Variants in FAM110B observed in about 807,000 individuals in gnomAD.
FAM110B encodes protein FAM110B.
Under a neutral mutation model 20.4 loss-of-function variants are expected in FAM110B, and 6 were observed. The ratio of observed to expected loss-of-function variants is 0.29; its 90% CI spans 0.16 to 0.58. The LOEUF is 0.58. Ranked by LOEUF, FAM110B falls within the 20% of genes least tolerant of loss-of-function variation. The probability of loss-of-function intolerance (pLI) is 0.90; values close to 1 mark genes in which losing one functional copy is unlikely to be tolerated. For synonymous variants in FAM110B, 226 were observed against 214.1 expected, an observed-to-expected ratio of 1.06 and a Z score of -0.49; for missense variants, 434 against 498.2, an observed-to-expected ratio of 0.87 and a Z score of 1.23.
chr8:58,085,478 A>T lies in FAM110B; in HGVS notation c.-325+9855A>T, dbSNP rs1004744807. ...CAGTGAGCCGAGATCGCACCACTGC[A>T]CTCCAGCCTGGGTGACAGAACGAGA... On this transcript the variant is annotated intron_variant, in intron 3 of 3. Coordinates refer to ENST00000519262, the MANE Select transcript of FAM110B (RefSeq NM_001377989.1). Among the ~76,000 whole-genome samples, 6 of 152,282 alleles carry T rather than the reference A, an allele frequency of 3.9e-5. No homozygotes were observed. In the East Asian group the frequency reaches 1.2e-3, roughly 29 times the overall value.
intron 3 of FAM110B, among the ~76,000 whole-genome samples, chr8:58,134,087 T>G (rs1357881428): frequency 1.6e-5 from 2 of 127,544 alleles, no homozygotes; most frequent in Non-Finnish European, 3.8e-5. Context: ...TGAAGATTAT[T>G]TATCCCACAG....
At chr8:58,040,808 T>C (rs988147505) in intron 2 of FAM110B, among the ~76,000 whole-genome samples, 1 of 152,198 alleles carries the variant, frequency 6.6e-6, no homozygotes, top group African/African-American at 2.4e-5. Flanking sequence ...TGTCCACTTA[T>C]GATATTTCTT....
intron 1 of FAM110B, among the ~76,000 whole-genome samples, chr8:58,015,249 C>T (rs538531871): frequency 1.4e-4 from 21 of 152,004 alleles, no homozygotes; most frequent in Non-Finnish European, 2.8e-4. Flanking sequence ...CGCAGCTACT[C>T]GGGAGGCTGA....
chr8:58,060,758 G>A (rs1447650138), intron 2 of FAM110B, among the ~76,000 whole-genome samples: 1 of 152,100 alleles, frequency 6.6e-6, no homozygotes, highest in Non-Finnish European at 1.5e-5. Flanking sequence ...TTTCTTCTCT[G>A]TCCCCTTCTC....
intron 1 of FAM110B, among the ~76,000 whole-genome samples, chr8:58,010,543 C>T (rs756951933): frequency 1.7e-4 from 26 of 152,186 alleles, no homozygotes; most frequent in Non-Finnish European, 3.1e-4. Flanking sequence ...TTCTGGAGTA[C>T]TTACATGCCC....
At chr8:58,117,714 G>C (rs1807250977) in intron 3 of FAM110B, among the ~76,000 whole-genome samples, 1 of 152,114 alleles carries the variant, frequency 6.6e-6, no homozygotes, top group African/African-American at 2.4e-5. Context: ...CCTTAGAGTG[G>C]TTCTGGCACA....
chr8:58,104,764 T>G (rs964170490), intron 3 of FAM110B, among the ~76,000 whole-genome samples: 9 of 152,194 alleles, frequency 5.9e-5, no homozygotes, highest in Non-Finnish European at 1.3e-4. Context: ...CTTCAAGTAC[T>G]ATTTCAAAAA....
chr8:58,029,523 T>G (rs1390832061), intron 1 of FAM110B, among the ~76,000 whole-genome samples: 1 of 151,660 alleles, frequency 6.6e-6, no homozygotes, highest in African/African-American at 2.4e-5. Flanking sequence ...GTTGTAATCA[T>G]GCTGATTAGA....
chr8:58,051,980 T>G (rs1395573215), intron 2 of FAM110B, among the ~76,000 whole-genome samples: 1 of 152,258 alleles, frequency 6.6e-6, no homozygotes, highest in Non-Finnish European at 1.5e-5. Flanking sequence ...ACCTTACTTC[T>G]GTCTGTTTGA....
At chr8:58,105,890 G>T (rs1012592402) in intron 3 of FAM110B, among the ~76,000 whole-genome samples, 1 of 152,226 alleles carries the variant, frequency 6.6e-6, no homozygotes, top group Non-Finnish European at 1.5e-5. Flanking sequence ...TTTTAAAAAG[G>T]ATAGGTGATT....
intron 1 of FAM110B, among the ~76,000 whole-genome samples, chr8:58,025,360 A>G (rs560833154): frequency 6.6e-6 from 1 of 152,124 alleles, no homozygotes; most frequent in Non-Finnish European, 1.5e-5. Flanking sequence ...AGTGGGTAGC[A>G]TGTGCACAGT....
chr8:58,052,772 CTTTTTTTTTTTTTTTT>C lies in FAM110B; in HGVS notation c.-414+21085_-414+21100del, dbSNP rs71248165. ...TAGAGTGTGGTGAGAGTGATGGACT[CTTTTTTTTTTTTTTTT>C]TTTTTTTTTTTTTTTGAGACGGAGT... On this transcript the variant is annotated intron_variant, in intron 2 of 3. Transcript: ENST00000519262. Among the ~76,000 whole-genome samples, 81 of 52,344 alleles carry C rather than the reference CTTTTTTTTTTTTTTTT, an allele frequency of 1.5e-3. 1 individual carries two copies. The highest frequency in any genetic ancestry group is 4.2e-3 in the Admixed American group (15 of 3,532). 34.3% of individuals were successfully genotyped at this position (52,344 alleles called of 152,430 possible). A position where few individuals can be genotyped will look rare whatever the true frequency, so the allele number is the denominator to read the frequency against.
chr8:58,077,857 G>A (rs1184443127), intron 3 of FAM110B, among the ~76,000 whole-genome samples: 3 of 152,184 alleles, frequency 2.0e-5, no homozygotes, highest in Non-Finnish European at 4.4e-5. Context: ...TGTCAGTTGG[G>A]TTGCAGGCGT....
chr8:58,129,138 G>A (rs1483514378), intron 3 of FAM110B, among the ~76,000 whole-genome samples: 3 of 152,128 alleles, frequency 2.0e-5, no homozygotes, highest in Non-Finnish European at 4.4e-5. Flanking sequence ...TAGTCAATAA[G>A]AAAGAAGAAT....
At chr8:58,008,925 CT>C (rs1191866654) in intron 1 of FAM110B, among the ~76,000 whole-genome samples, 1 of 152,166 alleles carries the variant, frequency 6.6e-6, no homozygotes, top group African/African-American at 2.4e-5. Context: ...CCTGAAATAC[CT>C]CTCCTGTCTG....
intron 2 of FAM110B, among the ~76,000 whole-genome samples, chr8:58,035,036 T>C (rs923103565): frequency 2.0e-5 from 3 of 152,226 alleles, no homozygotes; most frequent in African/African-American, 7.2e-5. Context: ...TGGTTATGAT[T>C]GACTACTAGA....
At chr8:58,117,935 TTTAAAA>T (rs1807257503) in intron 3 of FAM110B, among the ~76,000 whole-genome samples, 2 of 152,172 alleles carry the variant, frequency 1.3e-5, no homozygotes, top group African/African-American at 2.4e-5. Context: ...AGACAGCATG[TTTAAAA>T]TTAAAATTAA....
intron 2 of FAM110B, among the ~76,000 whole-genome samples, chr8:58,036,073 C>T (rs1400676763): frequency 6.6e-6 from 1 of 152,136 alleles, no homozygotes; most frequent in Non-Finnish European, 1.5e-5. Context: ...GACTTGTATT[C>T]CTGTAGACCC....
chr8:58,102,459 A>T (rs979205832), intron 3 of FAM110B, among the ~76,000 whole-genome samples: 1 of 152,172 alleles, frequency 6.6e-6, no homozygotes, highest in Non-Finnish European at 1.5e-5. Flanking sequence ...TTCAGATTAT[A>T]TCTAAATTAA....
Sources: gnomAD v4.1 joint callset for allele counts (sites outside exome capture counted in the v4.1 genomes callset) on GRCh38, gnomAD v4.1.1 for gene constraint, MANE v1.5 for transcripts, NCBI Gene and HGNC (gene_info 2026-07-23, HGNC 2026-07-21) for gene names.